Variants in SPATA31E1 observed in about 807,000 individuals in gnomAD.
SPATA31E1 encodes the protein spermatogenesis-associated protein 31E1.
In SPATA31E1, 7 loss-of-function variants were observed where a neutral mutation model predicts 12.9. The observed-to-expected ratio is 0.54, with a 90% CI of 0.31 to 1.02. SPATA31E1 has a LOEUF of 1.02. Ranked by LOEUF, SPATA31E1 falls within the 50% of genes least tolerant of loss-of-function variation. The probability of loss-of-function intolerance (pLI) is 0.05; values close to 1 mark genes in which losing one functional copy is unlikely to be tolerated. For missense variants in SPATA31E1, 1,961 were observed against 1,799.8 expected (o/e 1.09, Z -1.62); for synonymous variants, 771 against 719.0 (o/e 1.07, Z -1.16).
Position 87,883,003 on chromosome 9 carries a change from A to C in SPATA31E1, c.112A>C (p.Ile38Leu). ...RPSVECTGDD[I>L]ALQMEKMLFP... ...ATCTGTGGAGTGCACAGGAGACGAC[A>C]TTGCACTTCAGATGGAGAAAATGCT... Residue 38 changes from isoleucine (I) to leucine (L), a missense_variant, in exon 1 of 4, where the codon ATT (isoleucine) becomes CTT (leucine). By Grantham distance (5) the Ile-to-Leu change is conservative. Coordinates refer to ENST00000325643, the MANE Select transcript of SPATA31E1 (RefSeq NM_178828.5). 1 of 1,613,318 alleles carries C rather than the reference A, an allele frequency of 6.2e-7. No homozygotes were observed. Among genetic ancestry groups the C allele is most frequent in the Admixed American group, 1.7e-5 (1 of 59,952 alleles).
chr9:87,884,097 T>C, intron 2 of SPATA31E1, 51 bp downstream of exon 2: 2 of 1,558,922 alleles, frequency 1.3e-6, no homozygotes, highest in Non-Finnish European at 1.7e-6. Context: ...GAGCTTTGCC[T>C]GTCCCTGAGG....
rs771480482 is a variant in SPATA31E1 at position 87,886,798 on chromosome 9, AG to A, written c.2313del (p.Lys772ArgfsTer2). 1 of 1,614,006 alleles carries A rather than the reference AG, an allele frequency of 6.2e-7. No homozygotes were observed. Among genetic ancestry groups the A allele is most frequent in the Non-Finnish European group, 8.5e-7 (1 of 1,180,038 alleles). On this transcript the variant is annotated frameshift_variant, in exon 4 of 4. Transcript: ENST00000325643. LOFTEE classifies it low-confidence loss of function (END_TRUNC). ...LENKLQIHLA[R>X]KVGEIKEGWI... is the part of the protein sequence containing the mutation. Reference sequence around the variant, plus strand: ...AAACAAGCTGCAAATCCATCTGGCCAGGAAGGTAGGGGAGATCAAAGAGGGC... The same window carrying A: ...AAACAAGCTGCAAATCCATCTGGCCAGAAGGTAGGGGAGATCAAAGAGGGC...
Position 87,887,879 on chromosome 9 carries a change from C to T in SPATA31E1, c.3392C>T (p.Pro1131Leu). 1 of 1,613,814 alleles carries T rather than the reference C, an allele frequency of 6.2e-7. No homozygotes were observed. The highest frequency in any genetic ancestry group is 8.5e-7 in the Non-Finnish European group (1 of 1,180,038). ...GACGGCGCCACAGGCCTGTGCCTTC[C>T]AGGCCGCCACATGGACATGCTCACT... ...LQDGATGLCL[P>L]GRHMDMLTAA... Residue 1131 changes from proline to leucine, a missense_variant, in exon 4 of 4, where the codon CCA becomes CTA. Transcript: ENST00000325643.
In SPATA31E1 at chr9:87,887,135, C is replaced by T; in HGVS notation, c.2648C>T (p.Ser883Phe). 1.2e-6 allele frequency: 2 copies of T among 1,614,116 alleles called. No individual in the cohort carries two copies. The highest frequency in any genetic ancestry group is 4.5e-5 in the East Asian group (2 of 44,868). ...STFTPWASWV[S>F]RVESVPKVPI... ...TTTACCCCCTGGGCCTCCTGGGTAT[C>T]TCGGGTTGAATCTGTACCCAAGGTT... The change falls in exon 4 of 4, where the codon TCT becomes TTT. Residue 883 changes from serine (S) to phenylalanine (F), a missense_variant. Physicochemically the swap from Ser to Phe is radical, Grantham distance 155 (BLOSUM62 -2). Transcript: ENST00000325643.
chr9:87,887,677 C>T lies in SPATA31E1; in HGVS notation c.3190C>T (p.Leu1064=), dbSNP rs769294185. 3 of 1,614,052 alleles carry T rather than the reference C, an allele frequency of 1.9e-6. No individual in the cohort carries two copies. The highest frequency in any genetic ancestry group is 2.7e-5 in the African/African-American group (2 of 74,952). Residue 1064 remains leucine (L), a synonymous_variant, in exon 4 of 4, where the codon CTG becomes TTG. Coordinates refer to ENST00000325643, the MANE Select transcript of SPATA31E1 (RefSeq NM_178828.5). ...AAGTTCGGGAAGTGTTCAGGAGGAT[C>T]TGAGGAGCACAGGGGCTCTGGGGAC... ...RASSGSVQED[L]RSTGALGTTG... is the part of the protein sequence containing the mutation.
At position 87,886,639 on chromosome 9, in the gene SPATA31E1, C is replaced by G; in HGVS notation, c.2152C>G (p.Arg718Gly). 1 of 1,613,906 alleles carries G rather than the reference C, an allele frequency of 6.2e-7. No individual in the cohort carries two copies. The highest frequency in any genetic ancestry group is 1.7e-5 in the Admixed American group (1 of 60,028). ...GTCCAAACTAGGGCCGGACCCAAGC[C>G]GGGATCAAGGCTCAGGAAGGACCTC... ...LGSKLGPDPS[R>G]DQGSGRTSVK... is the part of the protein sequence containing the mutation. The change falls in exon 4 of 4, where the codon CGG becomes GGG. Residue 718 changes from arginine to glycine, a missense_variant. Physicochemically the swap from Arg to Gly is moderately radical, Grantham distance 125 (BLOSUM62 -2). Coordinates refer to ENST00000325643, the MANE Select transcript of SPATA31E1 (RefSeq NM_178828.5).
Position 87,885,676 on chromosome 9 carries a change from G to A in SPATA31E1, c.1189G>A (p.Glu397Lys), listed in dbSNP as rs1254860155. The change falls in exon 4 of 4, where the codon GAG (glutamate) becomes AAG (lysine). Residue 397 changes from glutamate (E) to lysine (K), a missense_variant. Glu to Lys is a moderately conservative substitution (Grantham distance 56). Coordinates refer to ENST00000325643, the MANE Select transcript of SPATA31E1 (RefSeq NM_178828.5). ...CCCGCACATGACATCACTGGGGAAG[G>A]AGTGGGACATCACGACCCTAAATCC... Reference protein sequence around the residue: ...DHPHMTSLGKEWDITTLNPFW... With the variant: ...DHPHMTSLGKKWDITTLNPFW... The A allele has an allele frequency of 6.2e-7, 1 of 1,613,802 alleles. No individual in the cohort carries two copies. The highest frequency in any genetic ancestry group is 1.1e-5 in the South Asian group (1 of 91,076).
At chr9:87,883,839 C>A (rs1374777611) in intron 1 of SPATA31E1, among the ~76,000 whole-genome samples, 153 bp from the exon 2 acceptor site, 2 of 152,234 alleles carry the variant, frequency 1.3e-5, no homozygotes, top group African/African-American at 4.8e-5. Context: ...GAAAACATTT[C>A]ATTCACGGTA....
At position 87,883,845 on chromosome 9, in the gene SPATA31E1, C is replaced by T. The variant is rs969220728; in HGVS notation, c.310-147C>T. The T allele has an allele frequency of 2.1e-5, 18 of 845,546 alleles. 1 individual carries two copies. The highest frequency in any genetic ancestry group is 8.6e-5 in the African/African-American group (5 of 58,310). 52.4% of individuals were successfully genotyped at this position (845,546 alleles called of 1,614,324 possible). ...AGGAAAACAGAAAACATTTCATTCA[C>T]GGTAAACATGAGTAAAAAGCACACA... On this transcript the variant is annotated intron_variant, in intron 1 of 3. Coordinates refer to ENST00000325643, the MANE Select transcript of SPATA31E1 (RefSeq NM_178828.5).
rs546069187 is a variant in SPATA31E1 at position 87,884,709 on chromosome 9, C to T, written c.425+58C>T. ...CTTCCTACCAGGGCCTCTGATGCAACCCTACGGCCTGGTGGTGATCTGGGA... is the reference window on the plus strand; with the variant it reads ...CTTCCTACCAGGGCCTCTGATGCAATCCTACGGCCTGGTGGTGATCTGGGA... On this transcript the variant is annotated intron_variant, in intron 3 of 3. Transcript: ENST00000325643. 2.8e-4 allele frequency: 455 copies of T among 1,599,996 alleles called. 4 individuals carry two copies. The South Asian group carries it at 3.4e-3, about 12-fold the overall frequency.
At position 87,886,151 on chromosome 9, in the gene SPATA31E1, G is replaced by A; in HGVS notation, c.1664G>A (p.Arg555Lys). ...CGASYPTSQE[R>K]TQSVIPTGKE... ...GCATCTTACCCTACATCCCAGGAGA[G>A]GACACAGTCTGTCATCCCCACTGGA... Residue 555 changes from arginine to lysine, a missense_variant, in exon 4 of 4, where the codon AGG becomes AAG. By Grantham distance (26) the Arg-to-Lys change is conservative (BLOSUM62 2). Coordinates refer to ENST00000325643, the MANE Select transcript of SPATA31E1 (RefSeq NM_178828.5). 2.5e-6 allele frequency: 4 copies of A among 1,603,968 alleles called. No individual in the cohort carries two copies. Among genetic ancestry groups the A allele is most frequent in the African/African-American group, 2.7e-5 (2 of 74,852 alleles).
rs1244002988 is a variant in SPATA31E1 at position 87,885,804 on chromosome 9, T to C, written c.1317T>C (p.Leu439=). The part of the protein sequence containing the change: ...GNHLQQKRSQ[L]FWDLPSLNSE... ...ACTTACAGCAGAAACGCAGCCAGCT[T>C]TTCTGGGACCTCCCCTCTCTCAATA... Residue 439 remains leucine, a synonymous_variant, in exon 4 of 4, where the codon CTT becomes CTC. Coordinates refer to ENST00000325643, the MANE Select transcript of SPATA31E1 (RefSeq NM_178828.5). 4 of 1,613,884 alleles carry C rather than the reference T, an allele frequency of 2.5e-6. No individual in the cohort carries two copies. Among genetic ancestry groups the C allele is most frequent in the East Asian group, 2.2e-5 (1 of 44,868 alleles).
At position 87,885,380 on chromosome 9, in the gene SPATA31E1, G is replaced by A; in HGVS notation, c.893G>A (p.Cys298Tyr). 1.9e-6 allele frequency: 3 copies of A among 1,613,146 alleles called. No homozygotes were observed. Among genetic ancestry groups the A allele is most frequent in the East Asian group, 2.2e-5 (1 of 44,832 alleles). ...ACCAGGGTGATCTCTGGCCTGGGGT[G>A]CTCCAGCGATCCCATCTGGGACCTC... ...PPTRVISGLG[C>Y]SSDPIWDLYC... The change falls in exon 4 of 4, where the codon TGC (cysteine) becomes TAC (tyrosine). Residue 298 changes from cysteine to tyrosine, a missense_variant. Physicochemically the swap from Cys to Tyr is radical, Grantham distance 194 (BLOSUM62 -2). Coordinates refer to ENST00000325643, the MANE Select transcript of SPATA31E1 (RefSeq NM_178828.5).
intron 3 of SPATA31E1, 47 bp from the exon 4 acceptor site, chr9:87,884,866 G>T: frequency 6.4e-7 from 1 of 1,558,828 alleles, no homozygotes; most frequent in Admixed American, 1.8e-5. Flanking sequence ...CCAGCTTCCC[G>T]GCCCCATCTA....
In SPATA31E1 at chr9:87,887,062, A is replaced by C; in HGVS notation, c.2575A>C (p.Asn859His). 1 of 1,614,018 alleles carries C rather than the reference A, an allele frequency of 6.2e-7. No individual in the cohort carries two copies. Among genetic ancestry groups the C allele is most frequent in the Non-Finnish European group, 8.5e-7 (1 of 1,179,994 alleles). Residue 859 changes from asparagine (N) to histidine (H), a missense_variant, in exon 4 of 4, where the codon AAT becomes CAT. Coordinates refer to ENST00000325643, the MANE Select transcript of SPATA31E1 (RefSeq NM_178828.5). Reference sequence around the variant, plus strand: ...AGACCTCCAGTCCCTGGAGCCCATAAATGTCTGGTCAGGTGAGGCTCAGGC... The same window carrying C: ...AGACCTCCAGTCCCTGGAGCCCATACATGTCTGGTCAGGTGAGGCTCAGGC... Reference protein sequence around the residue: ...GTDLQSLEPINVWSGEAQAPP... With the variant: ...GTDLQSLEPIHVWSGEAQAPP...
Position 87,882,957 on chromosome 9 carries a change from T to G in SPATA31E1, c.66T>G (p.Ile22Met). The G allele has an allele frequency of 1.2e-6, 2 of 1,612,350 alleles. No homozygotes were observed. The highest frequency in any genetic ancestry group is 8.5e-7 in the Non-Finnish European group (1 of 1,179,652). ...GCAGGGTTGAGAGTGGGCAGAGGAT[T>G]CCACCCCCAGCTCCCAGACCATCTG... Reference protein sequence around the residue: ...RAGRVESGQRIPPPAPRPSVE... With the variant: ...RAGRVESGQRMPPPAPRPSVE... Residue 22 changes from isoleucine (I) to methionine (M), a missense_variant, in exon 1 of 4, where the codon ATT becomes ATG. Physicochemically the swap from Ile to Met is conservative, Grantham distance 10 (BLOSUM62 1). Coordinates refer to ENST00000325643, the MANE Select transcript of SPATA31E1 (RefSeq NM_178828.5).
rs1268223727 is a variant in SPATA31E1 at position 87,888,137 on chromosome 9, A to C, written c.3650A>C (p.His1217Pro). 4 of 1,609,900 alleles carry C rather than the reference A, an allele frequency of 2.5e-6. No individual in the cohort carries two copies. The highest frequency in any genetic ancestry group is 3.4e-6 in the Non-Finnish European group (4 of 1,178,164). ...AGGCCCAGAACAGGGGAGCAGGGAC[A>C]CAGGTCCAAGGGACCCAGGACCTCT... ...HRRPRTGEQGHRSKGPRTSEA... is the reference protein window; with the variant it reads ...HRRPRTGEQGPRSKGPRTSEA... The change falls in exon 4 of 4, where the codon CAC (histidine) becomes CCC (proline). Residue 1217 changes from histidine (H) to proline (P), a missense_variant. His to Pro is a moderately conservative substitution (Grantham distance 77). Coordinates refer to ENST00000325643, the MANE Select transcript of SPATA31E1 (RefSeq NM_178828.5).
In SPATA31E1 at chr9:87,886,908, G is replaced by T; in HGVS notation, c.2421G>T (p.Lys807Asn). 1 of 1,614,110 alleles carries T rather than the reference G, an allele frequency of 6.2e-7. No homozygotes were observed. Among genetic ancestry groups the T allele is most frequent in the Non-Finnish European group, 8.5e-7 (1 of 1,180,006 alleles). The change falls in exon 4 of 4, where the codon AAG becomes AAT. Residue 807 changes from lysine (K) to asparagine (N), a missense_variant. Transcript: ENST00000325643. ...CTGACACCCACAGGAAACCTGGGAA[G>T]CTGGCATCCTGGAGGGGTGGGAAAG... Reference protein sequence around the residue: ...PKSDTHRKPGKLASWRGGKAH... With the variant: ...PKSDTHRKPGNLASWRGGKAH...
chr9:87,883,468 A>G (rs1275123334), intron 1 of SPATA31E1, among the ~76,000 whole-genome samples: 1 of 152,068 alleles, frequency 6.6e-6, no homozygotes, highest in Non-Finnish European at 1.5e-5. Context: ...TCTCTGTGGG[A>G]GGAGAGGCCC....
Sources: gnomAD v4.1 joint callset for allele counts (sites outside exome capture counted in the v4.1 genomes callset) on GRCh38, gnomAD v4.1.1 for gene constraint, MANE v1.5 for transcripts, NCBI Gene and HGNC (gene_info 2026-07-23, HGNC 2026-07-21) for gene names.